PCLO: variants seen among roughly 807,000 people sequenced by gnomAD.
PCLO encodes the protein protein piccolo.
In PCLO, 82 loss-of-function variants were observed where a neutral mutation model predicts 427.5. The ratio of observed to expected loss-of-function variants is 0.19; its 90% CI spans 0.16 to 0.23. The LOEUF (loss-of-function observed/expected upper bound fraction) is 0.23. Ranked by LOEUF, PCLO falls within the 10% of genes least tolerant of loss-of-function variation. The pLI is 1.00. For synonymous variants in PCLO, 2,357 were observed against 2,155.4 expected (o/e 1.09, Z -2.59); for missense variants, 6,239 against 6,115.9 (o/e 1.02, Z -0.67).
chr7:83,028,816 T>C (rs1788577663), intron 3 of PCLO, among the ~76,000 whole-genome samples: 3 of 150,764 alleles, frequency 2.0e-5, no homozygotes, highest in Non-Finnish European at 3.0e-5. Context: ...TATCTACAAC[T>C]ATCTGATCTT....
intron 3 of PCLO, among the ~76,000 whole-genome samples, chr7:83,105,785 A>G (rs1790839588): frequency 6.6e-6 from 1 of 152,200 alleles, no homozygotes; most frequent in Non-Finnish European, 1.5e-5. Flanking sequence ...ATGAACCAAG[A>G]AAGATTGTAA....
intron 10 of PCLO, among the ~76,000 whole-genome samples, chr7:82,855,509 C>A (rs1792780299): frequency 6.6e-6 from 1 of 152,056 alleles, no homozygotes; most frequent in African/African-American, 2.4e-5. Flanking sequence ...TTTGTAATGC[C>A]ATTTAAATTG....
intron 3 of PCLO, among the ~76,000 whole-genome samples, chr7:82,975,858 TTCTC>T (rs1288668311): frequency 2.6e-5 from 4 of 152,158 alleles, no homozygotes; most frequent in East Asian, 1.9e-4. Flanking sequence ...CCCCTGCACT[TTCTC>T]TCTCCTACCA....
At chr7:82,827,481 GTTC>G (rs1427728558) in intron 17 of PCLO, among the ~76,000 whole-genome samples, 1 of 151,980 alleles carries the variant, frequency 6.6e-6, no homozygotes, top group African/African-American at 2.4e-5. Context: ...GAGTAATACA[GTTC>G]TATGCACTGA....
intron 3 of PCLO, among the ~76,000 whole-genome samples, chr7:83,088,203 C>G (rs1233572649): frequency 6.6e-6 from 1 of 152,142 alleles, no homozygotes; most frequent in East Asian, 1.9e-4. Flanking sequence ...TAATCACAAG[C>G]TATGGAACTT....
intron 2 of PCLO, among the ~76,000 whole-genome samples, chr7:83,137,285 C>T (rs2158654): frequency 0.67 from 101,295 of 152,126 alleles, 34,029 homozygotes; most frequent in South Asian, 0.75. Flanking sequence ...TGCACTCTCA[C>T]GGAAAGTAAA....
chr7:82,866,879 G>C (rs571073670), intron 10 of PCLO, among the ~76,000 whole-genome samples: 9 of 152,074 alleles, frequency 5.9e-5, no homozygotes, highest in African/African-American at 1.9e-4. Context: ...ACAGTGTCTT[G>C]CCCTCAGGAG....
At chr7:82,793,616 C>G (rs1441928191) in intron 22 of PCLO, among the ~76,000 whole-genome samples, 2 of 152,136 alleles carry the variant, frequency 1.3e-5, no homozygotes, top group African/African-American at 4.8e-5. Context: ...CCCCAAAATA[C>G]ATGGGAATCA....
At chr7:83,010,983 C>T (rs1788062765) in intron 3 of PCLO, among the ~76,000 whole-genome samples, 1 of 152,010 alleles carries the variant, frequency 6.6e-6, no homozygotes. Context: ...TTACCTCTGG[C>T]ATAATTTCCA....
At position 82,914,998 on chromosome 7, in the gene PCLO, G is replaced by T. The variant is rs953489035; in HGVS notation, c.12988C>A (p.His4330Asn). Residue 4330 changes from histidine (H) to asparagine (N), a missense_variant, in exon 7 of 25, where the codon CAT (histidine) becomes AAT (asparagine). This residue lies in a region of PCLO where 680 missense variants were observed against 677.3 expected (regional missense o/e 1.00). Coordinates refer to ENST00000333891, the MANE Select transcript of PCLO (RefSeq NM_033026.6). ...EAEALDVSFS[H>N]ASSSARTKPT... Reference sequence around the variant, plus strand: ...TTAGTTCTGGCAGAGGATGATGCATGACTAAAGGAAACATCTAGAGCTTCA... The same window carrying T: ...TTAGTTCTGGCAGAGGATGATGCATTACTAAAGGAAACATCTAGAGCTTCA... 6.2e-7 allele frequency: 1 copy of T among 1,613,658 alleles called. No individual in the cohort carries two copies. Among genetic ancestry groups the T allele is most frequent in the Admixed American group, 1.7e-5 (1 of 59,980 alleles).
chr7:82,908,811 C>A, intron 8 of PCLO, 66 bp downstream of exon 8: 1 of 1,346,334 alleles, frequency 7.4e-7, no homozygotes, highest in South Asian at 1.3e-5. Flanking sequence ...ACAATTAAGA[C>A]CATTCTAGGG....
At chr7:82,838,442 G>A (rs1476348588) in intron 14 of PCLO, 100 bp from the exon 15 acceptor site, 3 of 674,098 alleles carry the variant, frequency 4.5e-6, no homozygotes, top group Non-Finnish European at 7.1e-6. Flanking sequence ...CTTATAAGAA[G>A]CATCAACTTT....
chr7:83,082,116 TAC>T (rs144592853), intron 3 of PCLO, among the ~76,000 whole-genome samples: 75 of 148,608 alleles, frequency 5.0e-4, no homozygotes, highest in African/African-American at 1.0e-3. Context: ...TCCTATACTA[TAC>T]ACACACACAC....
At chr7:83,045,851 T>A (rs193164642) in intron 3 of PCLO, among the ~76,000 whole-genome samples, 41 of 152,248 alleles carry the variant, frequency 2.7e-4, no homozygotes, top group East Asian at 9.7e-4. Context: ...AAGATATTAA[T>A]GTTACAACAC....
intron 3 of PCLO, among the ~76,000 whole-genome samples, chr7:83,045,466 C>T (rs978643224): frequency 6.6e-6 from 1 of 152,092 alleles, no homozygotes; most frequent in African/African-American, 2.4e-5. Flanking sequence ...CCTTCTGGAA[C>T]ACATATTACT....
At chr7:83,036,755 G>A (rs1194351211) in intron 3 of PCLO, among the ~76,000 whole-genome samples, 1 of 151,978 alleles carries the variant, frequency 6.6e-6, no homozygotes, top group African/African-American at 2.4e-5. Context: ...TTGTTATAAT[G>A]TCTGCAAATT....
intron 3 of PCLO, among the ~76,000 whole-genome samples, chr7:83,059,070 A>G (rs540125641): frequency 6.6e-6 from 1 of 151,622 alleles, no homozygotes; most frequent in South Asian, 2.1e-4. Context: ...TTTATAAGCT[A>G]CAGCATCTTT....
At chr7:82,880,745 C>G (rs990446993) in intron 9 of PCLO, among the ~76,000 whole-genome samples, 1 of 152,082 alleles carries the variant, frequency 6.6e-6, no homozygotes, top group Non-Finnish European at 1.5e-5. Flanking sequence ...AGGTTGAAAA[C>G]CCCTGTTTTA....
rs755383961 is a variant in PCLO, at chr7:82,953,757, AAAG to A, written c.7193_7195del (p.Ser2398del). 12 of 1,555,052 alleles carry A rather than the reference AAAG, an allele frequency of 7.7e-6. No individual in the cohort carries two copies. Among genetic ancestry groups the A allele is most frequent in the African/African-American group, 2.7e-5 (2 of 72,916 alleles). On this transcript the variant is annotated inframe_deletion, in exon 5 of 25. Transcript: ENST00000333891. ...GGGAGGAGGTTGAGCTGATATATCC[AAAG>A]AAGAACTTCTAAAGAATGGGCGAGG... is the stretch of plus-strand genomic sequence containing the variant.
Sources: gnomAD v4.1 joint callset for allele counts (sites outside exome capture counted in the v4.1 genomes callset) on GRCh38, gnomAD v4.1.1 for gene constraint, gnomAD v4.1.1 regional missense constraint, MANE v1.5 for transcripts, NCBI Gene and HGNC (gene_info 2026-07-23, HGNC 2026-07-21) for gene names.